The following RLN2 variants were observed in gnomAD, a reference collection of about 807,000 sequenced individuals.
RLN2 encodes the protein prorelaxin H2.
Under a neutral mutation model 7.3 loss-of-function variants are expected in RLN2, and 10 were observed. The observed-to-expected ratio is 1.36, with a 90% CI of 0.84 to 2.31. RLN2 has a LOEUF of 2.31. RLN2 is among the 30% of genes most tolerant of loss of function. The pLI is 0.00. For synonymous variants in RLN2, 103 were observed against 82.3 expected, an observed-to-expected ratio of 1.25 and a Z score of -1.36; for missense variants, 298 against 217.6, an observed-to-expected ratio of 1.37 and a Z score of -2.32.
the RLN2 span, among the ~76,000 whole-genome samples, chr9:5,328,361 A>C: frequency 1.3e-5 from 2 of 152,074 alleles, no homozygotes; most frequent in Non-Finnish European, 2.9e-5. Flanking sequence ...AAGATTAGAG[A>C]AAAAAGAGTG....
chr9:5,322,106 C>G, the RLN2 span, among the ~76,000 whole-genome samples: 3 of 152,084 alleles, frequency 2.0e-5, no homozygotes, highest in East Asian at 1.9e-4. Flanking sequence ...AGGAGTAGAG[C>G]AGGTAGATTA....
upstream of RLN2, chr9:5,304,752 G>A (rs572416746): frequency 1.2e-5 from 8 of 654,194 alleles, no homozygotes; most frequent in Non-Finnish European, 2.1e-5. Context: ...TTAAGGCAAG[G>A]GTGCCAGCTC....
At chr9:5,329,816 C>A in the RLN2 span, among the ~76,000 whole-genome samples, 1 of 152,016 alleles carries the variant, frequency 6.6e-6, no homozygotes, top group South Asian at 2.1e-4. Flanking sequence ...TAATGGGAGA[C>A]TTTAACACCC....
At chr9:5,313,060 T>G in the RLN2 span, among the ~76,000 whole-genome samples, 1 of 152,056 alleles carries the variant, frequency 6.6e-6, no homozygotes, top group Non-Finnish European at 1.5e-5. Flanking sequence ...CTGCTGCTGT[T>G]GAATAGAATG....
the RLN2 span, chr9:5,335,425 T>G: frequency 5.0e-6 from 8 of 1,613,808 alleles, no homozygotes; most frequent in Non-Finnish European, 6.8e-6. Flanking sequence ...GTTTCTTAAA[T>G]TCTTCAAAGC....
the RLN2 span, among the ~76,000 whole-genome samples, chr9:5,310,032 A>G: frequency 6.6e-6 from 1 of 151,888 alleles, no homozygotes; most frequent in South Asian, 2.1e-4. Flanking sequence ...ATCTTTGAGG[A>G]GGGGGAGTGG....
chr9:5,327,003 A>G, the RLN2 span, among the ~76,000 whole-genome samples: 1 of 152,038 alleles, frequency 6.6e-6, no homozygotes, highest in Non-Finnish European at 1.5e-5. Context: ...TGATTTCTGC[A>G]CTTCCAACTG....
At chr9:5,325,355 T>A in the RLN2 span, among the ~76,000 whole-genome samples, 3 of 151,912 alleles carry the variant, frequency 2.0e-5, no homozygotes, top group Non-Finnish European at 2.9e-5. Context: ...AAAAAAAAAC[T>A]AGATTATGCT....
chr9:5,307,244 T>C (rs528722213), upstream of RLN2, among the ~76,000 whole-genome samples: 1 of 141,944 alleles, frequency 7.0e-6, no homozygotes, highest in East Asian at 2.1e-4. Context: ...AGATAGGTGA[T>C]AGATAGATGA....
At chr9:5,310,035 G>T in the RLN2 span, among the ~76,000 whole-genome samples, 1 of 151,980 alleles carries the variant, frequency 6.6e-6, no homozygotes, top group African/African-American at 2.4e-5. Context: ...TTTGAGGAGG[G>T]GGAGTGGAGT....
the RLN2 span, among the ~76,000 whole-genome samples, chr9:5,336,478 C>T: frequency 6.6e-6 from 1 of 152,010 alleles, no homozygotes; most frequent in Non-Finnish European, 1.5e-5. Context: ...CAGCTGACAT[C>T]TTACTCCATC....
At chr9:5,306,132 G>T (rs1398691016), upstream of RLN2, among the ~76,000 whole-genome samples, 11 of 127,736 alleles carry the variant, frequency 8.6e-5, no homozygotes, top group East Asian at 1.5e-3. Flanking sequence ...TTTTTTAACA[G>T]AATTTGGCTC....
chr9:5,313,404 TC>T, the RLN2 span, among the ~76,000 whole-genome samples: 2 of 152,018 alleles, frequency 1.3e-5, no homozygotes, highest in Non-Finnish European at 2.9e-5. Context: ...TCTTTCGGTT[TC>T]CCTTTGCATG....
the RLN2 span, among the ~76,000 whole-genome samples, chr9:5,336,291 T>C: frequency 2.0e-5 from 3 of 152,062 alleles, 1 homozygote; most frequent in South Asian, 4.1e-4. Flanking sequence ...AAGAGATTCA[T>C]ATGTGCTGTG....
chr9:5,326,560 A>C, the RLN2 span, among the ~76,000 whole-genome samples: 1 of 152,046 alleles, frequency 6.6e-6, no homozygotes, highest in Non-Finnish European at 1.5e-5. Context: ...AGCATAGGGC[A>C]GTGATGGACA....
chr9:5,328,404 G>C, the RLN2 span, among the ~76,000 whole-genome samples: 1 of 151,986 alleles, frequency 6.6e-6, no homozygotes, highest in Non-Finnish European at 1.5e-5. Context: ...AAGAAATATG[G>C]GACTATGTGA....
intron 1 of RLN2, among the ~76,000 whole-genome samples, chr9:5,301,918 A>T (rs1248715132): frequency 6.6e-6 from 1 of 152,194 alleles, no homozygotes; most frequent in Non-Finnish European, 1.5e-5. Context: ...ACAGATGAGA[A>T]TTTATATCGT....
chr9:5,335,032 A>G, the RLN2 span: 1 of 443,466 alleles, frequency 2.3e-6, no homozygotes, highest in Non-Finnish European at 3.9e-6. Flanking sequence ...ACACAATTAT[A>G]CTGTTAATAA....
the RLN2 span, among the ~76,000 whole-genome samples, chr9:5,322,742 A>T: frequency 1.3e-5 from 2 of 152,040 alleles, no homozygotes; most frequent in East Asian, 3.9e-4. Context: ...CATATCTGAG[A>T]TACCTCATTT....
Sources: allele counts gnomAD v4.1 joint callset (sites outside exome capture counted in the v4.1 genomes callset), GRCh38; gene constraint gnomAD v4.1.1; transcripts MANE v1.5; gene names NCBI Gene and HGNC (gene_info 2026-07-23, HGNC 2026-07-21).